Variants in DCLK1 observed in about 807,000 individuals in gnomAD.
DCLK1 encodes the protein doublecortin like kinase 1, also known as serine/threonine-protein kinase DCLK1.
DCLK1 carries 16 observed loss-of-function variants against 86.2 expected under a neutral mutation model. That is an observed-to-expected ratio of 0.19 (90% confidence interval 0.13 to 0.28). The LOEUF (loss-of-function observed/expected upper bound fraction) is 0.28, where lower values mean the gene tolerates loss of function less well. Ranked by LOEUF, DCLK1 falls within the 10% of genes least tolerant of loss-of-function variation. DCLK1 has a pLI of 1.00. For missense variants in DCLK1, 590 were observed against 940.2 expected, an observed-to-expected ratio of 0.63 and a Z score of 4.87; for synonymous variants, 369 against 370.5, an observed-to-expected ratio of 1.00 and a Z score of 0.05.
At chr13:35,992,144 T>C (rs1189530649) in intron 3 of DCLK1, among the ~76,000 whole-genome samples, 6 of 152,216 alleles carry the variant, frequency 3.9e-5, no homozygotes, top group Non-Finnish European at 5.9e-5. Flanking sequence ...CCCACACTCA[T>C]GCCTTCTAGT....
intron 4 of DCLK1, 49 bp from the exon 5 acceptor site, chr13:35,871,389 C>T: frequency 7.1e-6 from 10 of 1,410,850 alleles, no homozygotes; most frequent in South Asian, 1.2e-5. Flanking sequence ...ATGGCACACA[C>T]ACACCAACTC....
At chr13:35,788,654 G>A (rs183269565) in intron 16 of DCLK1, among the ~76,000 whole-genome samples, 14 of 152,318 alleles carry the variant, frequency 9.2e-5, no homozygotes, top group Admixed American at 9.2e-4. Flanking sequence ...AGAGAAAGCA[G>A]ATTGGACCCC....
intron 3 of DCLK1, among the ~76,000 whole-genome samples, chr13:36,031,205 A>G (rs1882255465): frequency 6.6e-6 from 1 of 152,184 alleles, no homozygotes; most frequent in Non-Finnish European, 1.5e-5. Flanking sequence ...AATAGCCAAA[A>G]TCAAATTAGC....
chr13:35,929,284 C>T (rs1198919561), intron 4 of DCLK1, among the ~76,000 whole-genome samples: 1 of 152,022 alleles, frequency 6.6e-6, no homozygotes, highest in African/African-American at 2.4e-5. Flanking sequence ...AAGTGTGAAA[C>T]AAACAAATAA....
In DCLK1 at chr13:35,826,518, C is replaced by T. The variant is rs1227859562; in HGVS notation, c.1407+1117G>A. Among the ~76,000 whole-genome samples the T allele has an allele frequency of 4.0e-4, 14 of 35,032 alleles. No individual in the cohort carries two copies. In the Admixed American group the frequency reaches 5.6e-3, roughly 14 times the overall value. 23.0% of individuals were successfully genotyped at this position (35,032 alleles called of 152,430 possible). A position where few individuals can be genotyped will look rare whatever the true frequency, so the allele number is the denominator to read the frequency against. ...AGCCTGGGCAGCAAGAGCAAAACTCCATCTCAAAAAAAAAAAAAAAAAAAG... is the reference window on the plus strand; with the variant it reads ...AGCCTGGGCAGCAAGAGCAAAACTCTATCTCAAAAAAAAAAAAAAAAAAAG... On this transcript the variant is annotated intron_variant, in intron 10 of 16. Transcript: ENST00000360631.
chr13:35,926,323 G>A (rs1876117644), intron 4 of DCLK1, among the ~76,000 whole-genome samples: 1 of 152,192 alleles, frequency 6.6e-6, no homozygotes, highest in South Asian at 2.1e-4. Context: ...CTCCCAAAGT[G>A]CTGGGATTAC....
At chr13:35,962,523 G>A (rs1436097737) in intron 3 of DCLK1, among the ~76,000 whole-genome samples, 1 of 152,138 alleles carries the variant, frequency 6.6e-6, no homozygotes, top group Non-Finnish European at 1.5e-5. Context: ...CCAGTCCTCA[G>A]AAATGTGAAA....
At chr13:35,795,943 A>AC (rs2086800716) in intron 15 of DCLK1, among the ~76,000 whole-genome samples, 1 of 151,468 alleles carries the variant, frequency 6.6e-6, no homozygotes, top group Non-Finnish European at 1.5e-5. Context: ...AAAAAAAAAA[A>AC]ACCAACAACA....
At chr13:35,970,282 C>T (rs997826003) in intron 3 of DCLK1, among the ~76,000 whole-genome samples, 4 of 152,204 alleles carry the variant, frequency 2.6e-5, no homozygotes, top group African/African-American at 9.6e-5. Context: ...CACTTCCCCA[C>T]ATTTGAGACC....
intron 4 of DCLK1, among the ~76,000 whole-genome samples, chr13:35,946,816 C>A (rs1288361717): frequency 1.3e-5 from 2 of 152,162 alleles, no homozygotes; most frequent in South Asian, 2.1e-4. Context: ...TTATAACCAT[C>A]CCCTCTTTAT....
chr13:36,115,556 A>T (rs1391982814), intron 2 of DCLK1, among the ~76,000 whole-genome samples: 2 of 152,056 alleles, frequency 1.3e-5, no homozygotes, highest in African/African-American at 2.4e-5. Context: ...AGTTTGTTCA[A>T]GCCCTAAGGA....
At chr13:35,827,510 T>A in intron 10 of DCLK1, 125 bp downstream of exon 10, 1 of 1,169,536 alleles carries the variant, frequency 8.6e-7, no homozygotes, top group Non-Finnish European at 1.2e-6. Flanking sequence ...ACATTCCTAA[T>A]CACTGGGCCA....
At chr13:35,871,423 T>C in intron 4 of DCLK1, 83 bp from the exon 5 acceptor site, 1 of 1,128,272 alleles carries the variant, frequency 8.9e-7, no homozygotes, top group African/African-American at 1.5e-5. Context: ...AACCTGGAAG[T>C]AGAAATATAT....
intron 3 of DCLK1, among the ~76,000 whole-genome samples, chr13:35,957,748 A>G (rs1325786642): frequency 6.6e-6 from 1 of 152,146 alleles, no homozygotes; most frequent in African/African-American, 2.4e-5. Flanking sequence ...CTGTTGCTTT[A>G]AATATTTTTA....
chr13:36,102,420 T>G lies in DCLK1; in HGVS notation c.723+9449A>C, dbSNP rs61948291. Among the ~76,000 whole-genome samples, 493 of 152,314 alleles carry G rather than the reference T, an allele frequency of 3.2e-3. 2 individuals are homozygous for G. Among genetic ancestry groups the G allele is most frequent in the Non-Finnish European group, 5.3e-3 (361 of 68,030 alleles). Reference sequence around the variant, plus strand: ...AAAGTTAAAACTAAGAAATGTCATTTAACAAATTGTAAGCATCTAATGAGG... The same window carrying G: ...AAAGTTAAAACTAAGAAATGTCATTGAACAAATTGTAAGCATCTAATGAGG... On this transcript the variant is annotated intron_variant, in intron 3 of 16. Coordinates refer to ENST00000360631, the MANE Select transcript of DCLK1 (RefSeq NM_001330071.2).
intron 3 of DCLK1, among the ~76,000 whole-genome samples, chr13:36,031,070 A>G (rs530481084): frequency 6.6e-6 from 1 of 152,316 alleles, no homozygotes; most frequent in South Asian, 2.1e-4. Flanking sequence ...CGCTTTTCCC[A>G]GCACCACAGT....
At chr13:35,823,535 A>C (rs541726146) in intron 10 of DCLK1, among the ~76,000 whole-genome samples, 9 of 152,218 alleles carry the variant, frequency 5.9e-5, no homozygotes, top group Non-Finnish European at 1.0e-4. Flanking sequence ...GGGAAATCTC[A>C]AAGAAAGTTT....
intron 3 of DCLK1, among the ~76,000 whole-genome samples, chr13:36,018,926 C>T (rs190412118): frequency 3.3e-5 from 5 of 152,104 alleles, no homozygotes; most frequent in Non-Finnish European, 4.4e-5. Context: ...TTTTCTTTCA[C>T]TAAAAATGCA....
chr13:36,030,326 T>G (rs1416683760), intron 3 of DCLK1, among the ~76,000 whole-genome samples: 1 of 152,150 alleles, frequency 6.6e-6, no homozygotes, highest in Non-Finnish European at 1.5e-5. Context: ...GACGGAGTTT[T>G]GCTCTTGTTG....
Sources: gnomAD v4.1 joint callset for allele counts (sites outside exome capture counted in the v4.1 genomes callset) on GRCh38, gnomAD v4.1.1 for gene constraint, MANE v1.5 for transcripts, NCBI Gene and HGNC (gene_info 2026-07-23, HGNC 2026-07-21) for gene names.